Variants in RAD51B observed in about 807,000 individuals in gnomAD.
RAD51B encodes DNA repair protein RAD51 homolog 2.
Under a neutral mutation model 42.2 loss-of-function variants are expected in RAD51B, and 38 were observed. The observed-to-expected ratio is 0.90, with a 90% CI of 0.70 to 1.18. The LOEUF is 1.18. Among genes scored for constraint, RAD51B ranks in the 50% most tolerant of loss-of-function variants. The pLI, the probability that RAD51B is intolerant of heterozygous loss-of-function variation, is 0.00. For missense variants in RAD51B, 373 were observed against 400.7 expected (o/e 0.93, Z 0.59); for synonymous variants, 154 against 145.2 (o/e 1.06, Z -0.43).
At chr14:68,510,701 C>T (rs1054680285) in intron 10 of RAD51B, among the ~76,000 whole-genome samples, 5 of 152,164 alleles carry the variant, frequency 3.3e-5, no homozygotes, top group African/African-American at 1.2e-4. Flanking sequence ...TTCCCAGGGT[C>T]CTGTTTGAGA....
chr14:68,646,404 G>A (rs1892565475), intron 10 of RAD51B, among the ~76,000 whole-genome samples: 2 of 152,098 alleles, frequency 1.3e-5, no homozygotes, highest in South Asian at 4.1e-4. Flanking sequence ...TAAACTACGT[G>A]TCTGTCCTTG....
At chr14:68,616,611 G>A (rs1891831308) in intron 10 of RAD51B, among the ~76,000 whole-genome samples, 1 of 152,064 alleles carries the variant, frequency 6.6e-6, no homozygotes, top group African/African-American at 2.4e-5. Context: ...GTGATTCCTG[G>A]ATCTGTGGTA....
intron 7 of RAD51B, among the ~76,000 whole-genome samples, chr14:67,998,658 C>T (rs911940668): frequency 1.3e-5 from 2 of 152,132 alleles, no homozygotes; most frequent in African/African-American, 2.4e-5. Context: ...ATTCTCTGGG[C>T]AGATGGGAAA....
chr14:68,512,770 A>G (rs570934341), intron 10 of RAD51B, among the ~76,000 whole-genome samples: 3 of 152,210 alleles, frequency 2.0e-5, no homozygotes, highest in African/African-American at 7.2e-5. Flanking sequence ...ACAAACCAAC[A>G]AACATACATA....
In RAD51B at chr14:68,103,569, C is replaced by T. The variant is rs528712363; in HGVS notation, c.757-188315C>T. Reference sequence around the variant, plus strand: ...ATAGTGTGGGTTGCTTTAACTATTTCGTTATAATGTTTATGTCTGCACCCA... The same window carrying T: ...ATAGTGTGGGTTGCTTTAACTATTTTGTTATAATGTTTATGTCTGCACCCA... On this transcript the variant is annotated intron_variant, in intron 7 of 10. Transcript: ENST00000471583. 5.0e-3 allele frequency among the ~76,000 whole-genome samples: 764 copies of T among 152,232 alleles called. 4 individuals carry two copies. The highest frequency in any genetic ancestry group is 6.9e-3 in the Non-Finnish European group (466 of 68,022).
chr14:67,980,967 A>G (rs2075081252), intron 7 of RAD51B, among the ~76,000 whole-genome samples: 1 of 152,242 alleles, frequency 6.6e-6, no homozygotes, highest in African/African-American at 2.4e-5. Flanking sequence ...TGATATTTGC[A>G]AAACATATTA....
rs767949296 is a variant in RAD51B, at chr14:67,955,679, CATATT to C, written c.756+68477_756+68481del. On this transcript the variant is annotated intron_variant, in intron 7 of 10. Coordinates refer to ENST00000471583, the MANE Select transcript of RAD51B (RefSeq NM_133510.4). Reference sequence around the variant, plus strand: ...TTGCTGATAGTTCAGAAAAATAAAACATATTAGATTCTATGTAGCTAAAATTAATT... The same window carrying C: ...TTGCTGATAGTTCAGAAAAATAAAACAGATTCTATGTAGCTAAAATTAATT... Among the ~76,000 whole-genome samples, 35 of 152,240 alleles carry C rather than the reference CATATT, an allele frequency of 2.3e-4. 1 individual carries two copies. Among genetic ancestry groups the C allele is most frequent in the Middle Eastern group, 3.4e-3 (1 of 294 alleles).
At chr14:68,413,732 A>G (rs553621184) in intron 9 of RAD51B, among the ~76,000 whole-genome samples, 36 of 152,284 alleles carry the variant, frequency 2.4e-4, no homozygotes, top group African/African-American at 8.4e-4. Context: ...GAAAAACCAT[A>G]GAAGCCATAC....
chr14:67,887,139 A>G lies in RAD51B; in HGVS notation c.691A>G (p.Arg231Gly). 6.2e-7 allele frequency: 1 copy of G among 1,612,280 alleles called. No individual in the cohort carries two copies. The highest frequency in any genetic ancestry group is 8.5e-7 in the Non-Finnish European group (1 of 1,178,786). ...ACAACTTCAAGGCAATCTCAAAGAA[A>G]GAAACAAGTTCTTGGCAAGAGAGGC... ...DAQLQGNLKE[R>G]NKFLAREASS... is the part of the protein sequence containing the mutation. Residue 231 changes from arginine to glycine, a missense_variant, in exon 7 of 11, where the codon AGA becomes GGA. By Grantham distance (125) the Arg-to-Gly change is moderately radical. Transcript: ENST00000471583.
At chr14:67,873,776 A>G (rs1326571575) in intron 5 of RAD51B, among the ~76,000 whole-genome samples, 114 of 146,404 alleles carry the variant, frequency 7.8e-4, no homozygotes, top group African/African-American at 2.6e-3. Flanking sequence ...TGATGAGTTC[A>G]TGTCCTTTGT....
chr14:68,609,292 C>A (rs1014066796), intron 10 of RAD51B, among the ~76,000 whole-genome samples: 5 of 152,168 alleles, frequency 3.3e-5, no homozygotes, highest in Admixed American at 6.5e-5. Context: ...GAGTCTGGCT[C>A]TCCCCTGAGG....
chr14:68,613,130 TG>T (rs982369993), downstream of RAD51B, among the ~76,000 whole-genome samples: 23 of 152,296 alleles, frequency 1.5e-4, 1 homozygote, highest in African/African-American at 5.1e-4. Flanking sequence ...AGATTGTTAG[TG>T]GAGGCCAGGC....
intron 10 of RAD51B, among the ~76,000 whole-genome samples, chr14:68,484,791 T>C (rs894021495): frequency 6.6e-6 from 1 of 152,194 alleles, no homozygotes; most frequent in Admixed American, 6.5e-5. Context: ...TTCATTATCC[T>C]GGGGTCTCTG....
Position 67,978,630 on chromosome 14 carries a change from G to A in RAD51B, c.756+91426G>A, listed in dbSNP as rs34809233. ...GGCAGACATGAAAAAGTGTCAGGAAGAAGTCTGAGTGTAGCCCTTAAAAGA... is the reference window on the plus strand; with the variant it reads ...GGCAGACATGAAAAAGTGTCAGGAAAAAGTCTGAGTGTAGCCCTTAAAAGA... On this transcript the variant is annotated intron_variant, in intron 7 of 10. Transcript: ENST00000471583. Among the ~76,000 whole-genome samples the A allele has an allele frequency of 4.6e-5, 7 of 152,358 alleles. No individual in the cohort carries two copies. In the East Asian group the frequency reaches 1.2e-3, roughly 25 times the overall value.
At chr14:68,308,552 A>G (rs2081911031) in intron 8 of RAD51B, among the ~76,000 whole-genome samples, 1 of 152,174 alleles carries the variant, frequency 6.6e-6, no homozygotes, top group South Asian at 2.1e-4. Context: ...ACCTTGTTAA[A>G]TAACAATGCC....
intron 11 of RAD51B, among the ~76,000 whole-genome samples, chr14:68,652,309 C>T (rs1892719238): frequency 6.6e-6 from 1 of 152,220 alleles, no homozygotes; most frequent in Non-Finnish European, 1.5e-5. Flanking sequence ...TGTCCTTTCT[C>T]CTTGCTCGCC....
intron 7 of RAD51B, among the ~76,000 whole-genome samples, chr14:68,076,123 A>C (rs757985018): frequency 2.0e-5 from 3 of 152,240 alleles, no homozygotes; most frequent in Non-Finnish European, 4.4e-5. Flanking sequence ...AGGAAAGGAA[A>C]TACTGAGGAG....
intron 9 of RAD51B, among the ~76,000 whole-genome samples, chr14:68,442,686 G>C (rs1261202593): frequency 1.3e-5 from 2 of 151,730 alleles, no homozygotes; most frequent in Non-Finnish European, 2.9e-5. Flanking sequence ...TGATCCGCCC[G>C]CCTCGGCCTC....
chr14:68,553,902 A>G (rs1888701886), intron 10 of RAD51B, among the ~76,000 whole-genome samples: 1 of 152,238 alleles, frequency 6.6e-6, no homozygotes, highest in Non-Finnish European at 1.5e-5. Context: ...CTAAGAAATG[A>G]GCTTTGTCTA....
Sources: gnomAD v4.1 joint callset for allele counts (sites outside exome capture counted in the v4.1 genomes callset) on GRCh38, gnomAD v4.1.1 for gene constraint, MANE v1.5 for transcripts, NCBI Gene and HGNC (gene_info 2026-07-23, HGNC 2026-07-21) for gene names.